The following HSD17B3 variants were observed in gnomAD, a reference collection of about 807,000 sequenced individuals.
HSD17B3 encodes hydroxysteroid 17-beta dehydrogenase 3.
In HSD17B3, 29 loss-of-function variants were observed where a neutral mutation model predicts 41.1. The observed-to-expected ratio is 0.71, with a 90% CI of 0.53 to 0.96. The LOEUF (loss-of-function observed/expected upper bound fraction) is 0.96. Among genes scored for constraint, HSD17B3 ranks in the 40% least tolerant of loss-of-function variants. The probability of loss-of-function intolerance (pLI) is 0.00; values close to 1 mark genes in which losing one functional copy is unlikely to be tolerated. For missense variants in HSD17B3, 323 were observed against 374.6 expected (o/e 0.86, Z 1.14); for synonymous variants, 126 against 145.6 (o/e 0.87, Z 0.97).
chr9:96,299,432 G>A (rs555575141), intron 1 of HSD17B3, among the ~76,000 whole-genome samples: 1 of 152,242 alleles, frequency 6.6e-6, no homozygotes, highest in South Asian at 2.1e-4. Context: ...AGGGCATCTT[G>A]GGCCTTACCT....
chr9:96,255,935 A>G lies in HSD17B3; in HGVS notation c.202-992T>C, dbSNP rs1025274894. On this transcript the variant is annotated intron_variant, in intron 2 of 10. Transcript: ENST00000375263. ...TGCGTGCTTCACACAGAGCAGTCAG[A>G]GAGATTCCGCGGGGGACACGTAAAC... 2.2e-4 allele frequency among the ~76,000 whole-genome samples: 34 copies of G among 152,172 alleles called. 2 individuals carry two copies. The highest frequency in any genetic ancestry group is 5.9e-5 in the Non-Finnish European group (4 of 68,028).
In HSD17B3 at chr9:96,301,972, G is replaced by T; in HGVS notation, c.133C>A (p.Arg45=). 2 of 1,613,990 alleles carry T rather than the reference G, an allele frequency of 1.2e-6. No homozygotes were observed. Among genetic ancestry groups the T allele is most frequent in the Non-Finnish European group, 1.7e-6 (2 of 1,179,962 alleles). ...YWKVLPKSFL[R]SMGQWAVITG... is the part of the protein sequence containing the mutation. ...TTACCTGCCCACTGTCCCATTGACC[G>T]CAAGAAAGACTTTGGCAAAACTTTC... The change falls in exon 1 of 11, where the codon CGG becomes AGG. Residue 45 remains arginine (R), a synonymous_variant. Coordinates refer to ENST00000375263, the MANE Select transcript of HSD17B3 (RefSeq NM_000197.2).
At chr9:96,248,365 G>A (rs770301091) in intron 6 of HSD17B3, among the ~76,000 whole-genome samples, 10 of 152,116 alleles carry the variant, frequency 6.6e-5, no homozygotes, top group Non-Finnish European at 1.3e-4. Flanking sequence ...AAAATTTTTT[G>A]TCTACTCTGC....
At chr9:96,262,883 T>C (rs1367589457) in intron 2 of HSD17B3, among the ~76,000 whole-genome samples, 2 of 152,234 alleles carry the variant, frequency 1.3e-5, no homozygotes, top group Non-Finnish European at 1.5e-5. Flanking sequence ...TGAAGCCCCA[T>C]CTGAGTATTT....
chr9:96,283,789 T>A (rs539406594), intron 2 of HSD17B3, among the ~76,000 whole-genome samples: 154 of 152,226 alleles, frequency 1.0e-3, no homozygotes, highest in South Asian at 3.7e-3. Flanking sequence ...CTCTAACAAG[T>A]GCTCTTAAAT....
At chr9:96,268,030 T>C (rs1826105124) in intron 2 of HSD17B3, among the ~76,000 whole-genome samples, 1 of 152,206 alleles carries the variant, frequency 6.6e-6, no homozygotes, top group Non-Finnish European at 1.5e-5. Context: ...GTTCAAGCGA[T>C]TCTCCTGCCT....
At chr9:96,247,514 G>A (rs1053257776) in intron 6 of HSD17B3, among the ~76,000 whole-genome samples, 21 of 152,220 alleles carry the variant, frequency 1.4e-4, no homozygotes, top group Non-Finnish European at 2.8e-4. Context: ...GAATGTCTTC[G>A]CTGCTGGGGG....
chr9:96,279,159 A>G (rs771071792), intron 2 of HSD17B3, among the ~76,000 whole-genome samples: 7 of 152,254 alleles, frequency 4.6e-5, no homozygotes, highest in Non-Finnish European at 1.0e-4. Context: ...ACAGGTCTCA[A>G]TCCATGCTGA....
chr9:96,242,235 G>A (rs969491084), intron 9 of HSD17B3, among the ~76,000 whole-genome samples: 2 of 152,136 alleles, frequency 1.3e-5, no homozygotes, highest in African/African-American at 4.8e-5. Context: ...TATAAGGAGT[G>A]TGCTTTCTCC....
chr9:96,261,833 C>T (rs943858322), intron 2 of HSD17B3, among the ~76,000 whole-genome samples: 2 of 152,190 alleles, frequency 1.3e-5, no homozygotes, highest in Non-Finnish European at 2.9e-5. Flanking sequence ...ACTGCTAGGC[C>T]AGGAAAGAGA....
intron 2 of HSD17B3, among the ~76,000 whole-genome samples, chr9:96,272,444 TATAAA>T (rs1564048652): frequency 1.0e-5 from 1 of 97,520 alleles, no homozygotes; most frequent in African/African-American, 3.7e-5. Flanking sequence ...TATATATATA[TATAAA>T]ATATATATGA....
chr9:96,278,006 A>T (rs978688984), intron 2 of HSD17B3, among the ~76,000 whole-genome samples: 1 of 152,228 alleles, frequency 6.6e-6, no homozygotes, highest in Non-Finnish European at 1.5e-5. Flanking sequence ...ATACTGCATG[A>T]TCTCACTTAT....
intron 5 of HSD17B3, chr9:96,250,989 CA>C (rs1459198565): frequency 1.2e-5 from 2 of 173,608 alleles, no homozygotes; most frequent in African/African-American, 2.4e-5. Context: ...ACAATCCTGC[CA>C]GCCATAGAGT....
At chr9:96,249,865 C>T in intron 5 of HSD17B3, 79 bp from the exon 6 acceptor site, 1 of 1,611,940 alleles carries the variant, frequency 6.2e-7, no homozygotes, top group South Asian at 1.1e-5. Flanking sequence ...GCTAAAGAAC[C>T]ATGAAGTGGG....
At chr9:96,243,446 C>T (rs1419586697) in intron 9 of HSD17B3, among the ~76,000 whole-genome samples, 1 of 152,190 alleles carries the variant, frequency 6.6e-6, no homozygotes, top group South Asian at 2.1e-4. Flanking sequence ...AAGCTTTACC[C>T]TGTAGCTGGT....
At chr9:96,277,835 G>GCA (rs3222260) in intron 2 of HSD17B3, among the ~76,000 whole-genome samples, 2,906 of 145,936 alleles carry the variant, frequency 0.02, 37 homozygotes, top group Middle Eastern at 0.052. Context: ...GGAAAATGTG[G>GCA]CACACACACA....
At chr9:96,254,978 T>C (rs750039874) in intron 2 of HSD17B3, 35 bp from the exon 3 acceptor site, 1 of 1,576,496 alleles carries the variant, frequency 6.3e-7, no homozygotes, top group South Asian at 1.1e-5. Flanking sequence ...GAGACAAGGA[T>C]GATGAGCAGA....
At chr9:96,278,063 G>T (rs1409320496) in intron 2 of HSD17B3, among the ~76,000 whole-genome samples, 1 of 152,190 alleles carries the variant, frequency 6.6e-6, no homozygotes, top group Non-Finnish European at 1.5e-5. Flanking sequence ...AGAGTAGAAT[G>T]TTGCTGCTAG....
intron 6 of HSD17B3, chr9:96,247,309 GCCTGGAGCAGAT>G (rs1424991555): frequency 6.5e-6 from 1 of 153,014 alleles, no homozygotes; most frequent in Non-Finnish European, 1.5e-5. Flanking sequence ...GGCCTGGCAG[GCCTGGAGCAGAT>G]CCTGACTGCA....
Sources: gnomAD v4.1 joint callset for allele counts (sites outside exome capture counted in the v4.1 genomes callset) on GRCh38, gnomAD v4.1.1 for gene constraint, MANE v1.5 for transcripts, NCBI Gene and HGNC (gene_info 2026-07-23, HGNC 2026-07-21) for gene names.